Variants in FANCA observed in about 807,000 individuals in gnomAD.
FANCA encodes Fanconi anemia group A protein.
In FANCA, 236 loss-of-function variants were observed where a neutral mutation model predicts 194.3. The observed-to-expected ratio is 1.21, with a 90% CI of 1.09 to 1.35. The LOEUF is 1.35. Ranked by LOEUF, FANCA falls within the 40% of genes most tolerant of loss-of-function variation. The pLI is 0.00. For synonymous variants in FANCA, 1,014 were observed against 715.8 expected, an observed-to-expected ratio of 1.42 and a Z score of -6.65; for missense variants, 2,628 against 1,813.9, an observed-to-expected ratio of 1.45 and a Z score of -8.15.
chr16:89,789,031 G>A lies in FANCA; in HGVS notation c.1359+2372C>T, dbSNP rs551197118. 7.9e-5 allele frequency among the ~76,000 whole-genome samples: 12 copies of A among 151,834 alleles called. No individual in the cohort carries two copies. In the South Asian group the frequency reaches 1.7e-3, roughly 21 times the overall value. On this transcript the variant is annotated intron_variant, in intron 14 of 42. Coordinates refer to ENST00000389301, the MANE Select transcript of FANCA (RefSeq NM_000135.4). ...CAGGGAGACACCTGAGCCGCGGCTC[G>A]GGGAGACCCATCAACTCCTGACCCA...
chr16:89,749,685 C>T (rs765343107), intron 32 of FANCA, 45 bp downstream of exon 32: 2 of 1,586,248 alleles, frequency 1.3e-6, no homozygotes, highest in African/African-American at 2.7e-5. Flanking sequence ...GAGATGCTGC[C>T]CTGCCCAGGT....
rs141534059 is a variant in FANCA, at chr16:89,800,855, A to T, written c.793-1217T>A. 1.3e-3 allele frequency among the ~76,000 whole-genome samples: 204 copies of T among 152,162 alleles called. 1 individual carries two copies. The highest frequency in any genetic ancestry group is 4.6e-3 in the African/African-American group (193 of 41,518). On this transcript the variant is annotated intron_variant, in intron 8 of 42. Transcript: ENST00000389301. Reference sequence around the variant, plus strand: ...AGACCAGCCTGACCAACAAGGTGAAACCCTGTCTCTACTAAAAATACAAAA... The same window carrying T: ...AGACCAGCCTGACCAACAAGGTGAATCCCTGTCTCTACTAAAAATACAAAA...
Position 89,771,276 on chromosome 16 carries a change from C to T in FANCA, c.2151+402G>A, listed in dbSNP as rs55962404. Among the ~76,000 whole-genome samples the T allele has an allele frequency of 2.6e-5, 4 of 151,628 alleles. No homozygotes were observed. The East Asian group carries it at 7.7e-4, about 29-fold the overall frequency. On this transcript the variant is annotated intron_variant, in intron 23 of 42. Transcript: ENST00000389301. ...GACTTCTAGACCAGTCGAGGCAACA[C>T]AGAGAAACCCCAACTGTACAAAAAA...
chr16:89,785,693 C>T (rs1011805751), intron 14 of FANCA, among the ~76,000 whole-genome samples: 4 of 152,088 alleles, frequency 2.6e-5, no homozygotes, highest in Non-Finnish European at 5.9e-5. Context: ...AACACTGAAC[C>T]GCTTACCTGC....
In FANCA at chr16:89,739,462, C is replaced by T; in HGVS notation, c.4010+16G>A. 8 of 1,551,956 alleles carry T rather than the reference C, an allele frequency of 5.2e-6. No homozygotes were observed. Among genetic ancestry groups the T allele is most frequent in the Non-Finnish European group, 6.1e-6 (7 of 1,147,778 alleles). On this transcript the variant is annotated intron_variant, in intron 40 of 42. Coordinates refer to ENST00000389301, the MANE Select transcript of FANCA (RefSeq NM_000135.4). ...AAACACTGCCCAGCCCTGACCAGCC[C>T]TGTGGGTGGAGGTACCTGTAAAAAG...
chr16:89,779,881 A>T lies in FANCA; in HGVS notation c.1703T>A (p.Val568Asp), dbSNP rs756796033. The change falls in exon 18 of 43, where the codon GTC becomes GAC. Residue 568 changes from valine to aspartate, a missense_variant. By Grantham distance (152) the Val-to-Asp change is radical. Transcript: ENST00000389301. ...FEHTGNIPVTVMEASIFRRPY... is the reference protein window; with the variant it reads ...FEHTGNIPVTDMEASIFRRPY... The stretch of plus-strand genomic sequence containing the variant: ...CAGCCCAGCCTACCTGGCCTCCATG[A>T]CGGTGACTGGGATGTTCCCCGTATG... The T allele has an allele frequency of 1.2e-6, 2 of 1,613,784 alleles. No individual in the cohort carries two copies. The highest frequency in any genetic ancestry group is 1.7e-6 in the Non-Finnish European group (2 of 1,180,024).
intron 28 of FANCA, among the ~76,000 whole-genome samples, chr16:89,763,785 T>C (rs1242653895): frequency 6.6e-6 from 1 of 151,330 alleles, no homozygotes; most frequent in Non-Finnish European, 1.5e-5. Flanking sequence ...ATACAAAACT[T>C]AGCCAGGCGT....
chr16:89,815,938 A>G lies in FANCA; in HGVS notation c.128T>C (p.Leu43Ser). ...CAGGAGGCGCACAGCTGATTCCTTT[A>G]ATTTCTGTGCCCTTTCAGGATTATA... is the stretch of plus-strand genomic sequence containing the variant. ...EKYNPERAQK[L>S]KESAVRLLRS... is the part of the protein sequence containing the mutation. Residue 43 changes from leucine to serine, a missense_variant, in exon 2 of 43, where the codon TTA becomes TCA. By Grantham distance (145) the Leu-to-Ser change is moderately radical. Transcript: ENST00000389301. 6.2e-7 allele frequency: 1 copy of G among 1,614,090 alleles called. No individual in the cohort carries two copies. Among genetic ancestry groups the G allele is most frequent in the Non-Finnish European group, 8.5e-7 (1 of 1,179,976 alleles).
chr16:89,774,753 A>AAAAAAAAAAAAAG (rs2039442720), intron 21 of FANCA, among the ~76,000 whole-genome samples: 1 of 147,540 alleles, frequency 6.8e-6, no homozygotes, highest in Non-Finnish European at 1.5e-5. Flanking sequence ...AAAAAAAAAA[A>AAAAAAAAAAAAAG]ATCTCAACGA....
At chr16:89,746,776 G>T in intron 34 of FANCA, 55 bp downstream of exon 34, 1 of 1,588,206 alleles carries the variant, frequency 6.3e-7, no homozygotes, top group Non-Finnish European at 8.6e-7. Flanking sequence ...CTGACAGGAG[G>T]ATCCACCCAC....
chr16:89,738,497 C>T lies in FANCA; in HGVS notation c.*104G>A, dbSNP rs55859244. The T allele has an allele frequency of 1.3e-4, 194 of 1,548,846 alleles. No homozygotes were observed. In the East Asian group the frequency reaches 2.6e-3, roughly 21 times the overall value. The stretch of plus-strand genomic sequence containing the variant: ...TGATTCCTTTCCCCACTAAAGCAGT[C>T]GAGGAGATTTGTAATCCACTTTTTA... On this transcript the variant is annotated 3_prime_UTR_variant, in exon 43 of 43. Transcript: ENST00000389301.
At chr16:89,791,162 G>A in intron 14 of FANCA, 1 of 575,846 alleles carries the variant, frequency 1.7e-6, no homozygotes, top group Non-Finnish European at 3.1e-6. Context: ...AAGGAGCTGA[G>A]GCCCCGACAG....
At chr16:89,750,247 C>T (rs2038537956) in intron 31 of FANCA, among the ~76,000 whole-genome samples, 1 of 151,672 alleles carries the variant, frequency 6.6e-6, no homozygotes, top group Non-Finnish European at 1.5e-5. Context: ...TTTGGGAGGC[C>T]AAGGCAGGAG....
chr16:89,805,369 C>T lies in FANCA; in HGVS notation c.620G>A (p.Gly207Glu). The part of the protein sequence containing the change: ...LESHPDMHAV[G>E]SWLFRNLCCL... ...GCACAGATTCCTGAAGAGCCACGAT[C>T]CCACAGCATGCATGTCGGGATGGCT... Residue 207 changes from glycine (G) to glutamate (E), a missense_variant, in exon 7 of 43, where the codon GGA becomes GAA. Transcript: ENST00000389301. 6.2e-7 allele frequency: 1 copy of T among 1,614,022 alleles called. No homozygotes were observed. The highest frequency in any genetic ancestry group is 8.5e-7 in the Non-Finnish European group (1 of 1,179,930).
rs138338287 is a variant in FANCA at position 89,793,192 on chromosome 16, G to A, written c.1007-645C>T. On this transcript the variant is annotated intron_variant, in intron 11 of 42. Coordinates refer to ENST00000389301, the MANE Select transcript of FANCA (RefSeq NM_000135.4). ...AGGGAGAGTCCCTTTCCCGGTCTAA[G>A]TAGTGAGTGGTGTTCCTTGACACCT... 9.9e-3 allele frequency among the ~76,000 whole-genome samples: 1,506 copies of A among 152,238 alleles called. 14 individuals are homozygous for A. The highest frequency in any genetic ancestry group is 0.017 in the Middle Eastern group (5 of 294).
chr16:89,808,541 C>G (rs1053877021), intron 5 of FANCA, among the ~76,000 whole-genome samples, 174 bp from the exon 6 acceptor site: 1 of 152,204 alleles, frequency 6.6e-6, no homozygotes, highest in Non-Finnish European at 1.5e-5. Flanking sequence ...TTTTACAAAG[C>G]TGTACTGGTT....
rs973218398 is a variant in FANCA at position 89,782,331 on chromosome 16, G to A, written c.1626+528C>T. On this transcript the variant is annotated intron_variant, in intron 17 of 42. Coordinates refer to ENST00000389301, the MANE Select transcript of FANCA (RefSeq NM_000135.4). ...TTGAGACCATTCTGGCTAACATGGC[G>A]AAACCCTGACTCTATTAAAAATACA... Among the ~76,000 whole-genome samples, 12 of 151,710 alleles carry A rather than the reference G, an allele frequency of 7.9e-5. 1 individual carries two copies. Among genetic ancestry groups the A allele is most frequent in the Middle Eastern group, 6.8e-3 (2 of 294 alleles).
chr16:89,798,372 G>A (rs1269625711), intron 10 of FANCA: 7 of 1,046,508 alleles, frequency 6.7e-6, no homozygotes, highest in Non-Finnish European at 6.9e-6. Context: ...ATCACACAGT[G>A]CTTTATTCAC....
chr16:89,762,740 TC>T (rs1205752790), intron 28 of FANCA: 5 of 451,564 alleles, frequency 1.1e-5, no homozygotes, highest in African/African-American at 8.0e-5. Context: ...TCCAGAATTC[TC>T]CCCCTCAGCC....
Sources: allele counts gnomAD v4.1 joint callset (sites outside exome capture counted in the v4.1 genomes callset), GRCh38; gene constraint gnomAD v4.1.1; transcripts MANE v1.5; gene names NCBI Gene and HGNC (gene_info 2026-07-23, HGNC 2026-07-21).